The following EGFLAM variants were observed in gnomAD, a reference collection of about 807,000 sequenced individuals.
The protein encoded by EGFLAM is EGF like, fibronectin type III and laminin G domains.
A neutral mutation model predicts 113.1 loss-of-function variants in EGFLAM; 79 were observed. The observed-to-expected ratio is 0.70, with a 90% CI of 0.58 to 0.84. The LOEUF (loss-of-function observed/expected upper bound fraction) is 0.84, where lower values mean the gene tolerates loss of function less well. EGFLAM is among the 40% of genes least tolerant of loss of function. EGFLAM has a pLI of 0.00. For missense variants in EGFLAM, 1,265 were observed against 1,291.6 expected, an observed-to-expected ratio of 0.98 and a Z score of 0.32; for synonymous variants, 504 against 487.6, an observed-to-expected ratio of 1.03 and a Z score of -0.44.
At chr5:38,327,431 A>T (rs1389540780) in intron 1 of EGFLAM, among the ~76,000 whole-genome samples, 1 of 152,216 alleles carries the variant, frequency 6.6e-6, no homozygotes, top group Non-Finnish European at 1.5e-5. Flanking sequence ...ATATGGGAGA[A>T]AAATTGTCCT....
chr5:38,276,512 A>G (rs906114304), intron 1 of EGFLAM, among the ~76,000 whole-genome samples: 15 of 152,346 alleles, frequency 9.8e-5, no homozygotes, highest in Non-Finnish European at 8.8e-5. Flanking sequence ...TTGTACCTCA[A>G]GAAACTAGAA....
intron 1 of EGFLAM, among the ~76,000 whole-genome samples, chr5:38,284,773 T>C (rs945336904): frequency 1.3e-5 from 2 of 152,232 alleles, no homozygotes; most frequent in African/African-American, 4.8e-5. Context: ...GCAGTGGAGT[T>C]AGCTTCAGTA....
chr5:38,315,183 T>G (rs1203432536), intron 1 of EGFLAM, among the ~76,000 whole-genome samples: 1 of 152,226 alleles, frequency 6.6e-6, no homozygotes, highest in Non-Finnish European at 1.5e-5. Flanking sequence ...CTCTTTAAGG[T>G]GACTTTGCAT....
Position 38,459,306 on chromosome 5 carries a change from C to CT in EGFLAM, c.2771+925dup, listed in dbSNP as rs112663041. 2.8e-3 allele frequency among the ~76,000 whole-genome samples: 412 copies of CT among 145,158 alleles called. 1 individual carries two copies. Among genetic ancestry groups the CT allele is most frequent in the Middle Eastern group, 7.0e-3 (2 of 284 alleles). On this transcript the variant is annotated intron_variant, in intron 20 of 21. Coordinates refer to ENST00000322350, the MANE Select transcript of EGFLAM (RefSeq NM_152403.4). Reference sequence around the variant, plus strand: ...AGGCATGAGCCACTGCACCTGGCCACTTTTTTTTTTTTTACACATTACCTA... The same window carrying CT: ...AGGCATGAGCCACTGCACCTGGCCACTTTTTTTTTTTTTTACACATTACCTA...
chr5:38,451,521 G>A (rs1742914299), intron 19 of EGFLAM, 63 bp downstream of exon 19: 17 of 1,570,248 alleles, frequency 1.1e-5, no homozygotes, highest in Non-Finnish European at 1.4e-5. Flanking sequence ...TGCAGATCAT[G>A]CCAGAGTGAT....
chr5:38,390,780 T>C (rs1740787635), intron 6 of EGFLAM, among the ~76,000 whole-genome samples: 2 of 152,174 alleles, frequency 1.3e-5, no homozygotes, highest in Admixed American at 6.5e-5. Flanking sequence ...AGTCATCCTA[T>C]GAATGGACTG....
At chr5:38,370,184 T>C in intron 5 of EGFLAM, 112 bp from the exon 6 acceptor site, 1 of 1,098,302 alleles carries the variant, frequency 9.1e-7, no homozygotes, top group Non-Finnish European at 1.3e-6. Flanking sequence ...TAACTTACTT[T>C]TACAAGTATT....
intron 6 of EGFLAM, chr5:38,399,856 ACCT>A (rs1741060728): frequency 6.6e-6 from 1 of 152,332 alleles, no homozygotes; most frequent in African/African-American, 2.4e-5. Context: ...ACAATGGATC[ACCT>A]CCTACAGGAG....
intron 1 of EGFLAM, among the ~76,000 whole-genome samples, chr5:38,298,188 G>T (rs1758491926): frequency 6.6e-6 from 1 of 152,198 alleles, no homozygotes; most frequent in Admixed American, 6.5e-5. Flanking sequence ...TACTAGCAAT[G>T]AGTCTTTCTT....
chr5:38,297,575 A>G (rs1758477148), intron 1 of EGFLAM, among the ~76,000 whole-genome samples: 1 of 152,208 alleles, frequency 6.6e-6, no homozygotes, highest in Non-Finnish European at 1.5e-5. Flanking sequence ...TCTAAAGCCT[A>G]GGTTATATGA....
chr5:38,385,270 TCCCA>T (rs749652032), intron 6 of EGFLAM, among the ~76,000 whole-genome samples: 37 of 30,786 alleles, frequency 1.2e-3, no homozygotes, highest in African/African-American at 2.9e-3. Flanking sequence ...AAGGACTGTT[TCCCA>T]CCCACCCCCC....
intron 12 of EGFLAM, among the ~76,000 whole-genome samples, chr5:38,421,190 G>C (rs534272465): frequency 6.6e-6 from 1 of 152,112 alleles, no homozygotes; most frequent in Non-Finnish European, 1.5e-5. Context: ...TCCCCAGAGG[G>C]GCTTGCATTA....
chr5:38,263,138 C>A (rs1016751466), intron 1 of EGFLAM, among the ~76,000 whole-genome samples: 6 of 151,878 alleles, frequency 4.0e-5, no homozygotes, highest in African/African-American at 1.5e-4. Context: ...TTGGTGAAAT[C>A]TTTGTTTAAA....
chr5:38,292,443 G>T (rs991962295), intron 1 of EGFLAM, among the ~76,000 whole-genome samples: 1 of 152,214 alleles, frequency 6.6e-6, no homozygotes, highest in Non-Finnish European at 1.5e-5. Flanking sequence ...CCCAGTGGCG[G>T]TCTCTTGCAA....
intron 1 of EGFLAM, among the ~76,000 whole-genome samples, chr5:38,264,028 A>T (rs1757569804): frequency 6.6e-6 from 1 of 152,202 alleles, no homozygotes; most frequent in Admixed American, 6.5e-5. Flanking sequence ...AGGTTCTGTC[A>T]GTGAAGTCAG....
rs1308337245 is a variant in EGFLAM at position 38,444,160 on chromosome 5, G to C, written c.2465-4141G>C. 2.0e-5 allele frequency among the ~76,000 whole-genome samples: 3 copies of C among 152,128 alleles called. No individual in the cohort carries two copies. The East Asian group carries it at 5.8e-4, about 29-fold the overall frequency. On this transcript the variant is annotated intron_variant, in intron 17 of 21. Coordinates refer to ENST00000322350, the MANE Select transcript of EGFLAM (RefSeq NM_152403.4). ...CAGGGCTTCTGGCTTGGAGGCTGCT[G>C]TCCACTGGGGTGTTTTTCTGTGTGT...
At chr5:38,450,889 G>A (rs536910402) in intron 18 of EGFLAM, among the ~76,000 whole-genome samples, 2 of 152,218 alleles carry the variant, frequency 1.3e-5, no homozygotes, top group African/African-American at 2.4e-5. Context: ...GACAGTCACC[G>A]GCCAGAGCTG....
At chr5:38,320,076 C>T (rs368931148) in intron 1 of EGFLAM, among the ~76,000 whole-genome samples, 10 of 152,174 alleles carry the variant, frequency 6.6e-5, no homozygotes, top group Non-Finnish European at 1.0e-4. Context: ...ATCATGGCAG[C>T]GTAAAATTTG....
At chr5:38,305,021 C>CAA (rs1280596840) in intron 1 of EGFLAM, among the ~76,000 whole-genome samples, 27 of 151,262 alleles carry the variant, frequency 1.8e-4, no homozygotes, top group Non-Finnish European at 3.4e-4. Flanking sequence ...GAAAGTAGAA[C>CAA]AAAAAAATAA....
Sources: allele counts gnomAD v4.1 joint callset (sites outside exome capture counted in the v4.1 genomes callset), GRCh38; gene constraint gnomAD v4.1.1; transcripts MANE v1.5; gene names NCBI Gene and HGNC (gene_info 2026-07-23, HGNC 2026-07-21).